Variants in PXK observed in about 807,000 individuals in gnomAD.
PXK encodes the protein PX domain containing serine/threonine kinase like.
In PXK, 35 loss-of-function variants were observed where a neutral mutation model predicts 84.7. That is an observed-to-expected ratio of 0.41 (90% confidence interval 0.32 to 0.55). The LOEUF (loss-of-function observed/expected upper bound fraction) is 0.55. PXK is among the 20% of genes least tolerant of loss of function. The pLI is 0.21. For missense variants in PXK, 634 were observed against 699.7 expected (o/e 0.91, Z 1.06); for synonymous variants, 253 against 260.8 (o/e 0.97, Z 0.29).
chr3:58,356,411 C>CT (rs1429216875), intron 1 of PXK, among the ~76,000 whole-genome samples: 1 of 152,120 alleles, frequency 6.6e-6, no homozygotes, highest in African/African-American at 2.4e-5. Context: ...TTTATGTACT[C>CT]TGTCGATCCT....
At chr3:58,382,463 A>C in intron 3 of PXK, 51 bp from the exon 4 acceptor site, 1 of 1,404,750 alleles carries the variant, frequency 7.1e-7, no homozygotes, top group Non-Finnish European at 9.3e-7. Flanking sequence ...TTTTGTGTTG[A>C]TTCTTATTTG....
At chr3:58,403,735 A>G (rs4339119) in intron 12 of PXK, 127 bp from the exon 13 acceptor site, 138,717 of 443,324 alleles carry the variant, frequency 0.31, 24,609 homozygotes, top group Middle Eastern at 0.39. Context: ...GGATTGGGCC[A>G]GGGGCTGGAG....
At chr3:58,396,777 A>T (rs2057746367) in intron 9 of PXK, among the ~76,000 whole-genome samples, 1 of 152,194 alleles carries the variant, frequency 6.6e-6, no homozygotes, top group South Asian at 2.1e-4. Flanking sequence ...AGAGTTATTA[A>T]TTCCAAGCAT....
intron 1 of PXK, among the ~76,000 whole-genome samples, chr3:58,351,972 T>C (rs1294251789): frequency 6.6e-6 from 1 of 152,220 alleles, no homozygotes; most frequent in Non-Finnish European, 1.5e-5. Flanking sequence ...GCTCTAAATA[T>C]ACTGTCTTCT....
At chr3:58,350,488 G>T (rs899029870) in intron 1 of PXK, among the ~76,000 whole-genome samples, 3 of 152,142 alleles carry the variant, frequency 2.0e-5, no homozygotes, top group Non-Finnish European at 4.4e-5. Context: ...GCTGCACTCT[G>T]TTCATCAAAA....
chr3:58,339,385 AT>A (rs2097688382), intron 1 of PXK, among the ~76,000 whole-genome samples: 1 of 151,710 alleles, frequency 6.6e-6, no homozygotes, highest in African/African-American at 2.4e-5. Flanking sequence ...GCCACGTACC[AT>A]GCTCGGCTAA....
chr3:58,371,901 T>A (rs1045344135), intron 3 of PXK, among the ~76,000 whole-genome samples: 1 of 152,106 alleles, frequency 6.6e-6, no homozygotes, highest in Non-Finnish European at 1.5e-5. Flanking sequence ...GGCAGTGAAA[T>A]AATTTAAAAC....
chr3:58,395,233 T>C (rs2057455835), intron 8 of PXK, 131 bp downstream of exon 8: 1 of 610,602 alleles, frequency 1.6e-6, no homozygotes. Context: ...ATTTGGAATT[T>C]ATTTTTATTC....
At chr3:58,382,000 A>G (rs2098507883) in intron 3 of PXK, among the ~76,000 whole-genome samples, 1 of 152,214 alleles carries the variant, frequency 6.6e-6, no homozygotes, top group African/African-American at 2.4e-5. Flanking sequence ...ATAAAAGCAC[A>G]TTAAAAAAAT....
intron 1 of PXK, among the ~76,000 whole-genome samples, chr3:58,339,244 T>TG (rs2097684670): frequency 6.7e-6 from 1 of 149,204 alleles, no homozygotes; most frequent in African/African-American, 2.5e-5. Context: ...TTTTGTTTTT[T>TG]TTTTTAGACG....
At chr3:58,420,853 T>C (rs2061717747) in intron 17 of PXK, 2 of 1,229,390 alleles carry the variant, frequency 1.6e-6, no homozygotes, top group Admixed American at 8.1e-5. Flanking sequence ...CTGCATGGCA[T>C]TTTGGTATAT....
Position 58,399,369 on chromosome 3 carries a change from A to C in PXK, c.1173A>C (p.Leu391Phe), listed in dbSNP as rs754035856. 43 of 1,612,734 alleles carry C rather than the reference A, an allele frequency of 2.7e-5. No homozygotes were observed. Among genetic ancestry groups the C allele is most frequent in the Non-Finnish European group, 3.5e-5 (41 of 1,178,894 alleles). The stretch of plus-strand genomic sequence containing the variant: ...GCATGCCTACCATCTCCCGGCTCTT[A>C]CAGATGCCGTAAGTCAATCATATGC... ...KNGMPTISRL[L>F]QMPLFSDVLL... The change falls in exon 12 of 18, where the codon TTA (leucine) becomes TTC (phenylalanine). Residue 391 changes from leucine to phenylalanine, a missense_variant. Physicochemically the swap from Leu to Phe is conservative, Grantham distance 22. Transcript: ENST00000356151. The surrounding 1 kb of genome is among the most constrained non-coding windows in gnomAD (Gnocchi z 4.3).
intron 3 of PXK, among the ~76,000 whole-genome samples, chr3:58,378,600 T>G (rs1484732305): frequency 7.0e-6 from 1 of 143,704 alleles, no homozygotes; most frequent in Non-Finnish European, 1.5e-5. Flanking sequence ...AGTGGTGGGA[T>G]CTCAGCTCAC....
Position 58,352,285 on chromosome 3 carries a change from G to A in PXK, c.103-13589G>A, listed in dbSNP as rs377366058. Among the ~76,000 whole-genome samples the A allele has an allele frequency of 4.6e-5, 7 of 152,320 alleles. No individual in the cohort carries two copies. In the South Asian group the frequency reaches 8.3e-4, roughly 18 times the overall value. The stretch of plus-strand genomic sequence containing the variant: ...GAGGAGACATGGCCCAGGAGGGAGC[G>A]CTTCAGTCTCCAGCAGGTACTCAGG... On this transcript the variant is annotated intron_variant, in intron 1 of 17. Coordinates refer to ENST00000356151, the MANE Select transcript of PXK (RefSeq NM_017771.5).
chr3:58,335,561 G>A (rs1175274641), intron 1 of PXK, among the ~76,000 whole-genome samples: 2 of 152,106 alleles, frequency 1.3e-5, no homozygotes, highest in East Asian at 3.8e-4. Flanking sequence ...GGAGATTGAA[G>A]TTGGCTTTCC....
Position 58,401,618 on chromosome 3 carries a change from C to T in PXK, c.1181+2241C>T, listed in dbSNP as rs1013686401. Among the ~76,000 whole-genome samples the T allele has an allele frequency of 4.0e-5, 6 of 149,164 alleles. No homozygotes were observed. Among genetic ancestry groups the T allele is most frequent in the African/African-American group, 1.2e-4 (5 of 40,426 alleles). ...TCCAGCCTAGATGACAGAGTAAGAC[C>T]CTGTCTCAAAAATAAAACAAAGTGA... On this transcript the variant is annotated intron_variant, in intron 12 of 17. Transcript: ENST00000356151. The surrounding 1 kb of genome is among the most constrained non-coding windows in gnomAD (Gnocchi z 4.4).
chr3:58,359,668 A>G (rs1472102012), intron 1 of PXK, among the ~76,000 whole-genome samples: 1 of 152,238 alleles, frequency 6.6e-6, no homozygotes, highest in Non-Finnish European at 1.5e-5. Context: ...GAGTTATCCA[A>G]TTATACATGC....
intron 1 of PXK, among the ~76,000 whole-genome samples, chr3:58,338,661 T>C (rs1030519493): frequency 5.3e-5 from 8 of 151,708 alleles, no homozygotes; most frequent in Non-Finnish European, 1.2e-4. Flanking sequence ...GCATACTGTG[T>C]GATAGGTAAC....
In PXK at chr3:58,376,766, AG is replaced by A. The variant is rs755682209; in HGVS notation, c.202-5746del. The stretch of plus-strand genomic sequence containing the variant: ...GCGATTCTTGTGCCTCAGCCTCCTG[AG>A]GAGCTGAAATTACAGTCGTGTACCA... On this transcript the variant is annotated intron_variant, in intron 3 of 17. Transcript: ENST00000356151. 2.8e-4 allele frequency among the ~76,000 whole-genome samples: 42 copies of A among 152,108 alleles called. No homozygotes were observed. The East Asian group carries it at 7.9e-3, about 29-fold the overall frequency.
Sources: gnomAD v4.1 joint callset for allele counts (sites outside exome capture counted in the v4.1 genomes callset) on GRCh38, gnomAD v4.1.1 for gene constraint, Gnocchi (gnomAD v3.1) non-coding constraint, MANE v1.5 for transcripts, NCBI Gene and HGNC (gene_info 2026-07-23, HGNC 2026-07-21) for gene names.